Variants in CORIN observed in about 807,000 individuals in gnomAD.
CORIN encodes corin, serine peptidase, also known as atrial natriuretic peptide-converting enzyme.
In CORIN, 117 loss-of-function variants were observed where a neutral mutation model predicts 125.3. That is an observed-to-expected ratio of 0.93 (90% CI 0.80 to 1.09). CORIN has a LOEUF of 1.09. CORIN is among the 50% of genes least tolerant of loss of function. The probability of loss-of-function intolerance (pLI) is 0.00; values close to 1 mark genes in which losing one functional copy is unlikely to be tolerated. For synonymous variants in CORIN, 450 were observed against 466.4 expected, an observed-to-expected ratio of 0.96 and a Z score of 0.45; for missense variants, 1,253 against 1,306.7, an observed-to-expected ratio of 0.96 and a Z score of 0.63.
intron 2 of CORIN, among the ~76,000 whole-genome samples, chr4:47,791,613 G>A (rs1293477465): frequency 1.3e-5 from 2 of 152,192 alleles, no homozygotes. Context: ...TGAAGTTTAT[G>A]AGAGTGAATT....
intron 5 of CORIN, among the ~76,000 whole-genome samples, chr4:47,741,434 G>A (rs1406989554): frequency 2.0e-5 from 3 of 151,946 alleles, no homozygotes; most frequent in Non-Finnish European, 2.9e-5. Context: ...AGAGACAAGT[G>A]TGGTGAAAAT....
intron 16 of CORIN, among the ~76,000 whole-genome samples, chr4:47,639,464 C>T (rs1723156166): frequency 6.6e-6 from 1 of 152,124 alleles, no homozygotes; most frequent in Admixed American, 6.5e-5. Flanking sequence ...GGCCCATAAG[C>T]AGATACTCAA....
chr4:47,604,787 C>T (rs1420090466), intron 19 of CORIN, among the ~76,000 whole-genome samples: 1 of 152,136 alleles, frequency 6.6e-6, no homozygotes, highest in Non-Finnish European at 1.5e-5. Flanking sequence ...AATCTTAGTC[C>T]CTGTAGTCCA....
chr4:47,741,243 A>G (rs1728382234), intron 5 of CORIN, among the ~76,000 whole-genome samples: 1 of 152,074 alleles, frequency 6.6e-6, no homozygotes, highest in South Asian at 2.1e-4. Context: ...CAATTTAAAG[A>G]GGCAACCTAA....
chr4:47,772,013 G>T (rs1323152270), intron 3 of CORIN, among the ~76,000 whole-genome samples: 1 of 151,948 alleles, frequency 6.6e-6, no homozygotes, highest in Non-Finnish European at 1.5e-5. Flanking sequence ...TAGACTAAAC[G>T]CTTTTTAATG....
chr4:47,687,763 T>A (rs1483072089), intron 6 of CORIN, among the ~76,000 whole-genome samples: 1 of 152,142 alleles, frequency 6.6e-6, no homozygotes, highest in African/African-American at 2.4e-5. Context: ...TTTCATCCAA[T>A]CCTCTGATTC....
intron 5 of CORIN, among the ~76,000 whole-genome samples, chr4:47,718,398 T>C (rs897886348): frequency 5.3e-5 from 8 of 152,302 alleles, no homozygotes; most frequent in Non-Finnish European, 1.0e-4. Flanking sequence ...AGTTTCTTCA[T>C]CTGTAAAATA....
chr4:47,691,308 G>A (rs1032976257), intron 6 of CORIN, among the ~76,000 whole-genome samples: 6 of 152,154 alleles, frequency 3.9e-5, no homozygotes, highest in African/African-American at 4.8e-5. Context: ...ATTGGATATC[G>A]TTACATTGAA....
chr4:47,647,223 G>A (rs746686603), intron 13 of CORIN, among the ~76,000 whole-genome samples: 1 of 152,120 alleles, frequency 6.6e-6, no homozygotes, highest in Non-Finnish European at 1.5e-5. Flanking sequence ...CCCAGCTCCC[G>A]CCAAATGGTA....
At chr4:47,827,742 C>T (rs1732806015) in intron 1 of CORIN, among the ~76,000 whole-genome samples, 1 of 152,160 alleles carries the variant, frequency 6.6e-6, no homozygotes, top group South Asian at 2.1e-4. Context: ...GGCATAGGGG[C>T]ATATTTCCCA....
chr4:47,692,431 A>C (rs1268700944), intron 6 of CORIN, among the ~76,000 whole-genome samples: 1 of 152,198 alleles, frequency 6.6e-6, no homozygotes, highest in Non-Finnish European at 1.5e-5. Context: ...ACCACTGGCC[A>C]ATTCAGTCAA....
intron 11 of CORIN, among the ~76,000 whole-genome samples, chr4:47,662,979 ACTGT>A (rs1724318295): frequency 1.3e-5 from 2 of 152,222 alleles, no homozygotes; most frequent in Non-Finnish European, 2.9e-5. Context: ...ATAGTTGATA[ACTGT>A]CTGTTGAACT....
At chr4:47,771,495 A>G (rs535638266) in intron 3 of CORIN, among the ~76,000 whole-genome samples, 1 of 152,264 alleles carries the variant, frequency 6.6e-6, no homozygotes, top group Non-Finnish European at 1.5e-5. Flanking sequence ...TTACATAGAT[A>G]AACTTGTGTC....
chr4:47,757,203 C>T (rs956554176), intron 4 of CORIN, among the ~76,000 whole-genome samples: 1 of 152,104 alleles, frequency 6.6e-6, no homozygotes, highest in African/African-American at 2.4e-5. Flanking sequence ...TCTCTGAACT[C>T]ACTTTGCTTA....
intron 19 of CORIN, among the ~76,000 whole-genome samples, chr4:47,617,438 C>T (rs1237273717): frequency 2.6e-5 from 4 of 152,178 alleles, no homozygotes; most frequent in South Asian, 4.1e-4. Context: ...TGGGATTGCA[C>T]GTTAGGCCAC....
At chr4:47,717,652 A>G (rs1409195995) in intron 5 of CORIN, among the ~76,000 whole-genome samples, 3 of 152,154 alleles carry the variant, frequency 2.0e-5, no homozygotes, top group Admixed American at 1.3e-4. Context: ...TACAAAAGAG[A>G]TTATTAGATA....
At chr4:47,699,118 G>C (rs1459251723) in intron 5 of CORIN, among the ~76,000 whole-genome samples, 1 of 152,172 alleles carries the variant, frequency 6.6e-6, no homozygotes, top group Admixed American at 6.5e-5. Context: ...CTATAGGTTG[G>C]CTCAGGTCAA....
chr4:47,602,132 G>C (rs542436273), intron 20 of CORIN, among the ~76,000 whole-genome samples: 1 of 151,866 alleles, frequency 6.6e-6, no homozygotes, highest in Non-Finnish European at 1.5e-5. Context: ...TTAGCCAGGC[G>C]TCATGGCACA....
intron 5 of CORIN, among the ~76,000 whole-genome samples, chr4:47,736,552 G>T (rs886574254): frequency 6.6e-6 from 1 of 152,178 alleles, no homozygotes; most frequent in Non-Finnish European, 1.5e-5. Flanking sequence ...GTAAACTTGT[G>T]TCATGGGGGT....
Sources: gnomAD v4.1 joint callset for allele counts (sites outside exome capture counted in the v4.1 genomes callset) on GRCh38, gnomAD v4.1.1 for gene constraint, MANE v1.5 for transcripts, NCBI Gene and HGNC (gene_info 2026-07-23, HGNC 2026-07-21) for gene names.